The following C12orf50 variants were observed in gnomAD, a reference collection of about 807,000 sequenced individuals.
C12orf50 encodes zinc finger CCCH-type containing 11D.
C12orf50 carries 35 observed loss-of-function variants against 61.6 expected under a neutral mutation model. The observed-to-expected ratio is 0.57, with a 90% CI of 0.43 to 0.75. The LOEUF is 0.75. Among genes scored for constraint, C12orf50 ranks in the 30% least tolerant of loss-of-function variants. The probability of loss-of-function intolerance (pLI) is 0.00; values close to 1 mark genes in which losing one functional copy is unlikely to be tolerated. For missense variants in C12orf50, 475 were observed against 488.5 expected (o/e 0.97, Z 0.26); for synonymous variants, 178 against 161.5 (o/e 1.10, Z -0.77).
chr12:87,981,422 C>A (rs2030463408), intron 12 of C12orf50, among the ~76,000 whole-genome samples: 1 of 152,108 alleles, frequency 6.6e-6, no homozygotes, highest in Admixed American at 6.6e-5. Flanking sequence ...ATCTTAATCA[C>A]CTGGGAATGT....
intron 11 of C12orf50, chr12:87,985,544 T>G: frequency 6.3e-6 from 2 of 317,038 alleles, no homozygotes; most frequent in East Asian, 5.9e-5. Flanking sequence ...ATGTCAGCCA[T>G]TCAAAAACAG....
intron 3 of C12orf50, among the ~76,000 whole-genome samples, chr12:88,016,243 C>T (rs2032306862): frequency 6.6e-6 from 1 of 152,130 alleles, no homozygotes; most frequent in Admixed American, 6.5e-5. Context: ...CTATACTTAG[C>T]CAGTTACAGT....
intron 3 of C12orf50, among the ~76,000 whole-genome samples, chr12:88,026,161 T>G (rs1384086278): frequency 6.6e-6 from 1 of 152,168 alleles, no homozygotes; most frequent in Non-Finnish European, 1.5e-5. Flanking sequence ...CCTCTAAGCT[T>G]GGCTTCAGTT....
chr12:87,982,846 T>C (rs2030575934), intron 12 of C12orf50, among the ~76,000 whole-genome samples: 1 of 150,946 alleles, frequency 6.6e-6, no homozygotes, highest in Admixed American at 6.6e-5. Flanking sequence ...TTGCTGCAAT[T>C]ACTGTTTATT....
chr12:88,027,102 C>G lies in C12orf50; in HGVS notation c.-108-32G>C, dbSNP rs572665952. 1.4e-3 allele frequency: 2,162 copies of G among 1,562,484 alleles called. 4 individuals carry two copies. Among genetic ancestry groups the G allele is most frequent in the Non-Finnish European group, 1.6e-3 (1,840 of 1,160,364 alleles). ...GAAAAAGTAAACAGTGTAGAAAGCT[C>G]AATATGTTGACATTAGTGTTCAACA... On this transcript the variant is annotated intron_variant, in intron 1 of 12. Transcript: ENST00000298699.
intron 3 of C12orf50, among the ~76,000 whole-genome samples, chr12:88,022,035 AC>A (rs2032535731): frequency 6.6e-6 from 1 of 151,850 alleles, no homozygotes; most frequent in Non-Finnish European, 1.5e-5. Context: ...CAGAAAGAAA[AC>A]CAAAAAAAAA....
At chr12:87,989,474 C>A in intron 7 of C12orf50, 103 bp from the exon 8 acceptor site, 1 of 717,224 alleles carries the variant, frequency 1.4e-6, no homozygotes, top group Non-Finnish European at 2.4e-6. Flanking sequence ...GTTCACCTTT[C>A]TTTGGACACT....
At chr12:88,008,054 A>G (rs1279278607) in intron 3 of C12orf50, among the ~76,000 whole-genome samples, 2 of 151,626 alleles carry the variant, frequency 1.3e-5, no homozygotes, top group Non-Finnish European at 2.9e-5. Flanking sequence ...TTAAACAGCA[A>G]TAGCTTTTTT....
intron 3 of C12orf50, among the ~76,000 whole-genome samples, chr12:88,018,897 T>C (rs995764721): frequency 2.0e-5 from 3 of 152,214 alleles, no homozygotes; most frequent in African/African-American, 7.2e-5. Context: ...CCATTGTATG[T>C]AGGAAGTAAC....
intron 3 of C12orf50, among the ~76,000 whole-genome samples, chr12:88,005,912 G>GTTTTTTTTTTTTTT (rs371924944): frequency 1.1e-5 from 1 of 91,032 alleles, no homozygotes; most frequent in Admixed American, 1.2e-4. Flanking sequence ...TGTTTTTTTG[G>GTTTTTTTTTTTTTT]TTTTTTTTTT....
intron 3 of C12orf50, among the ~76,000 whole-genome samples, chr12:88,014,088 T>G (rs2032215336): frequency 6.6e-6 from 1 of 152,060 alleles, no homozygotes; most frequent in Non-Finnish European, 1.5e-5. Context: ...TACTGTAAAT[T>G]AAAGGGGAAA....
intron 4 of C12orf50, 57 bp from the exon 5 acceptor site, chr12:87,996,703 T>G: frequency 3.0e-6 from 4 of 1,341,510 alleles, no homozygotes; most frequent in Non-Finnish European, 4.2e-6. Context: ...ATCTGAAAAT[T>G]TATAAACCAG....
chr12:88,026,466 G>A (rs747689546), intron 3 of C12orf50, 22 bp downstream of exon 3: 9 of 1,611,390 alleles, frequency 5.6e-6, no homozygotes, highest in East Asian at 2.2e-5. Context: ...GTAAGTCTAT[G>A]TTATTCAAAA....
At chr12:87,996,690 T>C (rs781499904) in intron 4 of C12orf50, 44 bp from the exon 5 acceptor site, 2 of 1,433,302 alleles carry the variant, frequency 1.4e-6, no homozygotes, top group South Asian at 1.2e-5. Flanking sequence ...CCAAAGCCAA[T>C]TAATCTGAAA....
intron 3 of C12orf50, among the ~76,000 whole-genome samples, chr12:88,016,159 T>C (rs2032303791): frequency 6.6e-6 from 1 of 152,132 alleles, no homozygotes; most frequent in African/African-American, 2.4e-5. Flanking sequence ...AGGTTGCACA[T>C]TTAAATATCT....
intron 9 of C12orf50, among the ~76,000 whole-genome samples, chr12:87,986,634 G>T (rs2030840158): frequency 6.6e-6 from 1 of 152,110 alleles, no homozygotes; most frequent in South Asian, 2.1e-4. Context: ...CTTTCAATAA[G>T]TAGCTTTCCT....
intron 12 of C12orf50, 123 bp from the exon 13 acceptor site, chr12:87,980,479 T>A: frequency 1.2e-6 from 1 of 835,880 alleles, no homozygotes; most frequent in Non-Finnish European, 1.9e-6. Context: ...CTTACTGTTT[T>A]AACTTATAAA....
intron 12 of C12orf50, among the ~76,000 whole-genome samples, chr12:87,980,749 G>T (rs961171149): frequency 2.6e-5 from 4 of 152,112 alleles, no homozygotes; most frequent in Admixed American, 6.6e-5. Context: ...TTCAGCTTCT[G>T]CCCCTAATTC....
At chr12:88,024,481 A>G (rs2032630647) in intron 3 of C12orf50, among the ~76,000 whole-genome samples, 1 of 152,224 alleles carries the variant, frequency 6.6e-6, no homozygotes, top group Non-Finnish European at 1.5e-5. Context: ...CTTTGCAAGA[A>G]CATTGATGGA....
Sources: gnomAD v4.1 joint callset for allele counts (sites outside exome capture counted in the v4.1 genomes callset) on GRCh38, gnomAD v4.1.1 for gene constraint, MANE v1.5 for transcripts, NCBI Gene and HGNC (gene_info 2026-07-23, HGNC 2026-07-21) for gene names.